CNTNAP2: variants seen among roughly 807,000 people sequenced by gnomAD.
CNTNAP2 encodes contactin-associated protein-like 2.
In CNTNAP2, 98 loss-of-function variants were observed where a neutral mutation model predicts 155.2. The observed-to-expected ratio is 0.63, with a 90% CI of 0.54 to 0.75. The LOEUF is 0.75. Ranked by LOEUF, CNTNAP2 falls within the 30% of genes least tolerant of loss-of-function variation. The pLI, the probability that CNTNAP2 is intolerant of heterozygous loss-of-function variation, is 0.00. For synonymous variants in CNTNAP2, 651 were observed against 631.2 expected (o/e 1.03, Z -0.47); for missense variants, 1,727 against 1,688.1 (o/e 1.02, Z -0.40).
At chr7:148,256,836 GCTTTGGC>G (rs1197769876) in intron 20 of CNTNAP2, among the ~76,000 whole-genome samples, 1 of 152,174 alleles carries the variant, frequency 6.6e-6, no homozygotes, top group African/African-American at 2.4e-5. Flanking sequence ...AAATCTGTCT[GCTTTGGC>G]CCTAGGCTAG....
chr7:146,665,198 C>T (rs894363167), intron 1 of CNTNAP2, among the ~76,000 whole-genome samples: 1 of 152,284 alleles, frequency 6.6e-6, no homozygotes, highest in Middle Eastern at 3.4e-3. Context: ...ATCTGCCCAT[C>T]TTGGCCTCCC....
At chr7:147,101,134 A>T (rs1420808349) in intron 4 of CNTNAP2, among the ~76,000 whole-genome samples, 2 of 152,226 alleles carry the variant, frequency 1.3e-5, no homozygotes, top group Admixed American at 6.5e-5. Context: ...CATCAGGAGC[A>T]CATAAAAAGA....
intron 3 of CNTNAP2, among the ~76,000 whole-genome samples, chr7:146,985,244 TG>T (rs1798093184): frequency 6.6e-6 from 1 of 151,648 alleles, no homozygotes; most frequent in African/African-American, 2.4e-5. Context: ...AAAATATTAA[TG>T]GTGAGATGTC....
Position 148,048,801 on chromosome 7 carries a change from C to G in CNTNAP2, c.2384-69317C>G, listed in dbSNP as rs558235796. Among the ~76,000 whole-genome samples the G allele has an allele frequency of 1.6e-3, 247 of 152,252 alleles. 2 individuals are homozygous for G. Among genetic ancestry groups the G allele is most frequent in the African/African-American group, 5.7e-3 (237 of 41,538 alleles). ...TGCTCAAGCCTGGCTTTCATGGGCTCCCCTTGATGTGAGTCTCAGAGTAGG... is the reference window on the plus strand; with the variant it reads ...TGCTCAAGCCTGGCTTTCATGGGCTGCCCTTGATGTGAGTCTCAGAGTAGG... On this transcript the variant is annotated intron_variant, in intron 15 of 23. Coordinates refer to ENST00000361727, the MANE Select transcript of CNTNAP2 (RefSeq NM_014141.6).
chr7:146,246,289 A>G (rs371696540), intron 1 of CNTNAP2, among the ~76,000 whole-genome samples: 2,408 of 150,578 alleles, frequency 0.016, 32 homozygotes, highest in African/African-American at 0.023. Context: ...GAAGAAGGGC[A>G]GCAATGAGAT....
chr7:146,297,128 TTGAA>T (rs1800527115), intron 1 of CNTNAP2, among the ~76,000 whole-genome samples: 1 of 152,176 alleles, frequency 6.6e-6, no homozygotes, highest in African/African-American at 2.4e-5. Context: ...TCTTGAATGA[TTGAA>T]TATTATTTCC....
chr7:147,490,351 C>A (rs115529379), intron 11 of CNTNAP2, among the ~76,000 whole-genome samples: 1 of 152,024 alleles, frequency 6.6e-6, no homozygotes, highest in African/African-American at 2.4e-5. Flanking sequence ...TAAATGTAAA[C>A]GGTAACAATT....
At chr7:148,011,830 C>G (rs747680859) in intron 15 of CNTNAP2, among the ~76,000 whole-genome samples, 11 of 152,214 alleles carry the variant, frequency 7.2e-5, no homozygotes, top group Admixed American at 1.3e-4. Context: ...CTGGCCAAGA[C>G]AGATGACAGA....
chr7:147,888,689 T>C (rs892283300), intron 13 of CNTNAP2, among the ~76,000 whole-genome samples: 8 of 151,242 alleles, frequency 5.3e-5, no homozygotes, highest in Non-Finnish European at 8.9e-5. Flanking sequence ...AAACTGACCA[T>C]TGACTTCTTG....
intron 9 of CNTNAP2, among the ~76,000 whole-genome samples, chr7:147,310,066 C>G (rs544436723): frequency 1.3e-5 from 2 of 152,236 alleles, no homozygotes; most frequent in South Asian, 4.1e-4. Flanking sequence ...AACTGTTTTT[C>G]CACTTGGAGA....
At chr7:147,587,672 C>A (rs1366876018) in intron 12 of CNTNAP2, among the ~76,000 whole-genome samples, 1 of 152,138 alleles carries the variant, frequency 6.6e-6, no homozygotes, top group African/African-American at 2.4e-5. Context: ...TTCTGCCATT[C>A]CATCCTTCAC....
At chr7:146,291,193 G>T (rs1045597138) in intron 1 of CNTNAP2, among the ~76,000 whole-genome samples, 3 of 152,108 alleles carry the variant, frequency 2.0e-5, no homozygotes, top group Non-Finnish European at 2.9e-5. Context: ...GAGAATAGGA[G>T]AATATTTCCT....
At chr7:147,702,058 T>C (rs903117905) in intron 13 of CNTNAP2, among the ~76,000 whole-genome samples, 1 of 142,658 alleles carries the variant, frequency 7.0e-6, no homozygotes, top group Non-Finnish European at 1.5e-5. Flanking sequence ...TTGGTTGGTT[T>C]TTTTTTTTTT....
At chr7:146,343,838 T>A (rs1324347806) in intron 1 of CNTNAP2, among the ~76,000 whole-genome samples, 1 of 152,094 alleles carries the variant, frequency 6.6e-6, no homozygotes, top group Non-Finnish European at 1.5e-5. Context: ...CTTATCTATA[T>A]ATAATTGGTA....
chr7:146,636,704 G>A (rs1455914657), intron 1 of CNTNAP2, among the ~76,000 whole-genome samples: 1 of 152,080 alleles, frequency 6.6e-6, no homozygotes, highest in African/African-American at 2.4e-5. Flanking sequence ...TCGTTTCTAG[G>A]TCAAATCGTC....
At chr7:146,162,514 C>T (rs1294669715) in intron 1 of CNTNAP2, among the ~76,000 whole-genome samples, 1 of 152,148 alleles carries the variant, frequency 6.6e-6, no homozygotes, top group East Asian at 1.9e-4. Flanking sequence ...ACAACAGGTG[C>T]TGTAGAGGAT....
intron 4 of CNTNAP2, among the ~76,000 whole-genome samples, chr7:147,086,733 G>T (rs1468197535): frequency 6.6e-6 from 1 of 152,112 alleles, no homozygotes; most frequent in East Asian, 1.9e-4. Flanking sequence ...ACCTAGTCTG[G>T]CCATACAGAA....
chr7:147,104,579 T>C (rs1441779016), intron 4 of CNTNAP2, among the ~76,000 whole-genome samples: 2 of 151,598 alleles, frequency 1.3e-5, no homozygotes, highest in Non-Finnish European at 3.0e-5. Flanking sequence ...AAACATTTGA[T>C]GGGGAAACGG....
At chr7:148,121,876 T>G (rs1227220434) in intron 16 of CNTNAP2, among the ~76,000 whole-genome samples, 1 of 152,230 alleles carries the variant, frequency 6.6e-6, no homozygotes. Flanking sequence ...TATTTATTCA[T>G]TCATTTAATG....
Sources: allele counts gnomAD v4.1 joint callset (sites outside exome capture counted in the v4.1 genomes callset), GRCh38; gene constraint gnomAD v4.1.1; transcripts MANE v1.5; gene names NCBI Gene and HGNC (gene_info 2026-07-23, HGNC 2026-07-21).